The following ADAMTSL3 variants were observed in gnomAD, a reference collection of about 807,000 sequenced individuals.
ADAMTSL3 encodes the protein ADAMTS-like protein 3.
A neutral mutation model predicts 201.7 loss-of-function variants in ADAMTSL3; 128 were observed. The observed-to-expected ratio is 0.63, with a 90% CI of 0.55 to 0.73. The LOEUF (loss-of-function observed/expected upper bound fraction) is 0.73, where lower values mean the gene tolerates loss of function less well. Ranked by LOEUF, ADAMTSL3 falls within the 30% of genes least tolerant of loss-of-function variation. The pLI, the probability that ADAMTSL3 is intolerant of heterozygous loss-of-function variation, is 0.00. For missense variants in ADAMTSL3, 1,990 were observed against 2,119.6 expected (o/e 0.94, Z 1.20); for synonymous variants, 738 against 748.4 (o/e 0.99, Z 0.23).
rs779031350 is a variant in ADAMTSL3 at position 83,983,276 on chromosome 15, C to T, written c.3648C>T (p.Asp1216=). 1.2e-6 allele frequency: 2 copies of T among 1,606,218 alleles called. No individual in the cohort carries two copies. The highest frequency in any genetic ancestry group is 1.7e-6 in the Non-Finnish European group (2 of 1,176,338). The change falls in exon 21 of 30, where the codon GAC becomes GAT. Residue 1216 remains aspartate, a synonymous_variant. Transcript: ENST00000286744. ...CAGAGGTCATCAATATACTGTGTGA[C>T]CTTATTACCCCCAGTGAGGCCACAT... ...KRTEVINILC[D]LITPSEATYT...
At chr15:83,738,140 G>T (rs961077647) in intron 3 of ADAMTSL3, among the ~76,000 whole-genome samples, 7 of 152,184 alleles carry the variant, frequency 4.6e-5, no homozygotes, top group Non-Finnish European at 7.3e-5. Context: ...AACATGAGGT[G>T]CAAGAAAGAT....
chr15:83,970,100 T>A (rs2067164720), intron 19 of ADAMTSL3, among the ~76,000 whole-genome samples: 1 of 151,786 alleles, frequency 6.6e-6, no homozygotes, highest in East Asian at 1.9e-4. Flanking sequence ...GGTCAAATTT[T>A]AAAAATGAAA....
chr15:83,658,932 G>C (rs947347111), intron 2 of ADAMTSL3, among the ~76,000 whole-genome samples: 3 of 152,076 alleles, frequency 2.0e-5, no homozygotes. Flanking sequence ...ATTGTCATAG[G>C]ATGGCTTCCT....
chr15:83,994,441 G>T (rs2067639750), intron 23 of ADAMTSL3, among the ~76,000 whole-genome samples: 1 of 152,064 alleles, frequency 6.6e-6, no homozygotes, highest in Admixed American at 6.5e-5. Flanking sequence ...AATGAATCTA[G>T]TCATGTGGAT....
chr15:83,848,345 G>C (rs536580914), intron 7 of ADAMTSL3, among the ~76,000 whole-genome samples: 1 of 152,318 alleles, frequency 6.6e-6, no homozygotes, highest in African/African-American at 2.4e-5. Flanking sequence ...ATAAATTACA[G>C]TGCTTCTGGG....
At chr15:84,032,372 C>A (rs2068424979) in intron 28 of ADAMTSL3, among the ~76,000 whole-genome samples, 2 of 152,152 alleles carry the variant, frequency 1.3e-5, no homozygotes, top group Admixed American at 1.3e-4. Context: ...AATGTAGGGT[C>A]AGTTGCATTT....
chr15:83,844,301 T>G (rs1333007173), intron 7 of ADAMTSL3, among the ~76,000 whole-genome samples: 1 of 152,172 alleles, frequency 6.6e-6, no homozygotes. Context: ...CTGGGCTAGG[T>G]GGATCATGGG....
intron 22 of ADAMTSL3, among the ~76,000 whole-genome samples, chr15:83,990,102 G>A (rs1052819275): frequency 6.6e-6 from 1 of 152,188 alleles, no homozygotes; most frequent in Non-Finnish European, 1.5e-5. Context: ...ACCACACATT[G>A]GGTGAGGGAA....
intron 23 of ADAMTSL3, among the ~76,000 whole-genome samples, chr15:84,005,880 A>T (rs2067885592): frequency 6.6e-6 from 1 of 152,246 alleles, no homozygotes; most frequent in Non-Finnish European, 1.5e-5. Flanking sequence ...TAGAGAAAAG[A>T]AAGTACTTAA....
rs377758109 is a variant in ADAMTSL3 at position 83,991,116 on chromosome 15, A to G, written c.3875A>G (p.Asn1292Ser). Residue 1292 changes from asparagine to serine, a missense_variant, in exon 23 of 30, where the codon AAT becomes AGT. Physicochemically the swap from Asn to Ser is conservative, Grantham distance 46. Coordinates refer to ENST00000286744, the MANE Select transcript of ADAMTSL3 (RefSeq NM_207517.3). ...EAPVILSVER[N>S]ITKPEHNHLS... ...CCTGTCATCTTGTCTGTTGAAAGAAATATCACCAAACCAGAGCACAACCAT... is the reference window on the plus strand; with the variant it reads ...CCTGTCATCTTGTCTGTTGAAAGAAGTATCACCAAACCAGAGCACAACCAT... 6.2e-7 allele frequency: 1 copy of G among 1,614,074 alleles called. No individual in the cohort carries two copies. The highest frequency in any genetic ancestry group is 1.3e-5 in the African/African-American group (1 of 74,936).
chr15:83,823,639 C>T (rs1262224029), intron 6 of ADAMTSL3, among the ~76,000 whole-genome samples: 1 of 152,218 alleles, frequency 6.6e-6, no homozygotes, highest in African/African-American at 2.4e-5. Context: ...ATCTAAACTG[C>T]ATTAACAGCT....
intron 5 of ADAMTSL3, among the ~76,000 whole-genome samples, chr15:83,811,796 ATCAGT>A (rs1449222491): frequency 6.6e-5 from 10 of 152,234 alleles, no homozygotes; most frequent in African/African-American, 2.4e-4. Flanking sequence ...AGAATATAGC[ATCAGT>A]TGCTATGCTT....
At chr15:83,691,804 G>A (rs561215218) in intron 2 of ADAMTSL3, among the ~76,000 whole-genome samples, 6 of 152,082 alleles carry the variant, frequency 3.9e-5, no homozygotes, top group African/African-American at 1.2e-4. Context: ...TAGTAGAGAC[G>A]GGTTTCACCA....
intron 9 of ADAMTSL3, among the ~76,000 whole-genome samples, chr15:83,878,902 G>A (rs969129326): frequency 1.3e-5 from 2 of 151,392 alleles, no homozygotes; most frequent in Admixed American, 6.6e-5. Flanking sequence ...TTCTTTAAAT[G>A]TTTGGCAGTG....
At chr15:83,969,204 G>C (rs1032246169) in intron 19 of ADAMTSL3, among the ~76,000 whole-genome samples, 1 of 152,144 alleles carries the variant, frequency 6.6e-6, no homozygotes, top group African/African-American at 2.4e-5. Flanking sequence ...CCAGCACTTT[G>C]GGAGGCCGAG....
chr15:83,962,510 T>C lies in ADAMTSL3; in HGVS notation c.2491-7974T>C, dbSNP rs2066992042. The stretch of plus-strand genomic sequence containing the variant: ...TAAAAAATATCAAACATTCAACAAC[T>C]CTAATTTTACTTTAATGTCTTTTTT... On this transcript the variant is annotated intron_variant, in intron 19 of 29. Coordinates refer to ENST00000286744, the MANE Select transcript of ADAMTSL3 (RefSeq NM_207517.3). 2.0e-5 allele frequency: 3 copies of C among 152,192 alleles called. No individual in the cohort carries two copies. The South Asian group carries it at 6.2e-4, about 32-fold the overall frequency. The allele number at this position is 152,192 out of a possible 1,614,324, so 9.4% of individuals were successfully genotyped here. A position where few individuals can be genotyped will look rare whatever the true frequency, so the allele number is the denominator to read the frequency against.
chr15:83,856,502 A>C (rs989148768), intron 7 of ADAMTSL3, among the ~76,000 whole-genome samples: 6 of 152,110 alleles, frequency 3.9e-5, no homozygotes, highest in African/African-American at 1.4e-4. Flanking sequence ...AAAAAAGCTA[A>C]ATAAGAATCC....
At chr15:84,018,881 A>T (rs887693562) in intron 25 of ADAMTSL3, among the ~76,000 whole-genome samples, 1 of 152,212 alleles carries the variant, frequency 6.6e-6, no homozygotes, top group Admixed American at 6.5e-5. Context: ...GAAAACAAAA[A>T]CAAATTATCA....
chr15:83,923,833 G>C, intron 16 of ADAMTSL3, 71 bp from the exon 17 acceptor site: 1 of 1,562,512 alleles, frequency 6.4e-7, no homozygotes, highest in Non-Finnish European at 8.8e-7. Flanking sequence ...GAAGACCTAA[G>C]ACTCTATTTT....
Sources: allele counts gnomAD v4.1 joint callset (sites outside exome capture counted in the v4.1 genomes callset), GRCh38; gene constraint gnomAD v4.1.1; transcripts MANE v1.5; gene names NCBI Gene and HGNC (gene_info 2026-07-23, HGNC 2026-07-21).